PTN: variants seen among roughly 807,000 people sequenced by gnomAD.
PTN encodes the protein heparin affin regulatory protein.
In PTN, 18 loss-of-function variants were observed where a neutral mutation model predicts 24.1. The observed-to-expected ratio is 0.75, with a 90% CI of 0.52 to 1.11. The LOEUF is 1.11. PTN is among the 50% of genes least tolerant of loss of function. PTN has a pLI of 0.00. For missense variants in PTN, 163 were observed against 198.8 expected (o/e 0.82, Z 1.08); for synonymous variants, 78 against 68.6 (o/e 1.14, Z -0.67).
chr7:137,261,494 C>T (rs1425576053), intron 1 of PTN, among the ~76,000 whole-genome samples: 1 of 152,044 alleles, frequency 6.6e-6, no homozygotes, highest in Non-Finnish European at 1.5e-5. Context: ...TTTATAGTTG[C>T]TTGACATCTA....
At chr7:137,274,033 GCA>G (rs10555048) in intron 1 of PTN, among the ~76,000 whole-genome samples, 110,588 of 149,932 alleles carry the variant, frequency 0.74, 40,927 homozygotes, top group East Asian at 0.96. Flanking sequence ...TTTCAGAAGC[GCA>G]CACACACACA....
chr7:137,295,257 C>T (rs994926958), intron 1 of PTN, among the ~76,000 whole-genome samples: 1 of 152,154 alleles, frequency 6.6e-6, no homozygotes. Flanking sequence ...CTCTGTGGAG[C>T]TTGAAGTATA....
chr7:137,318,867 A>C (rs1810115871), intron 1 of PTN: 1 of 152,228 alleles, frequency 6.6e-6, no homozygotes, highest in Non-Finnish European at 1.5e-5. Context: ...GGTATGTAAA[A>C]GCGGTAAGCA....
At chr7:137,335,991 TC>T (rs1810442499) in intron 1 of PTN, among the ~76,000 whole-genome samples, 1 of 151,014 alleles carries the variant, frequency 6.6e-6, no homozygotes, top group Non-Finnish European at 1.5e-5. Flanking sequence ...ACATCTTACC[TC>T]CTCCTCACTT....
chr7:137,230,483 A>G (rs544114645), intron 4 of PTN, among the ~76,000 whole-genome samples: 18 of 151,956 alleles, frequency 1.2e-4, no homozygotes, highest in African/African-American at 4.1e-4. Context: ...ATCTAAAGAG[A>G]AAAATAAAGA....
At chr7:137,264,865 G>A (rs1408179944) in intron 1 of PTN, among the ~76,000 whole-genome samples, 1 of 152,146 alleles carries the variant, frequency 6.6e-6, no homozygotes, top group East Asian at 1.9e-4. Context: ...TGCTGCCAGG[G>A]ACCTTAGACA....
At chr7:137,278,212 C>T (rs1809398984) in intron 1 of PTN, among the ~76,000 whole-genome samples, 1 of 142,698 alleles carries the variant, frequency 7.0e-6, no homozygotes, top group Non-Finnish European at 1.5e-5. Context: ...GAGGCTGAGG[C>T]AGGAGAATGG....
At position 137,271,836 on chromosome 7, in the gene PTN, C is replaced by T. The variant is rs577137652; in HGVS notation, c.-1-16862G>A. On this transcript the variant is annotated intron_variant, in intron 1 of 4. Transcript: ENST00000348225. Reference sequence around the variant, plus strand: ...ATGTGAAGCAATACATTTACTTTCTCTGAAACTTATTTTTCTTAGCAATCG... The same window carrying T: ...ATGTGAAGCAATACATTTACTTTCTTTGAAACTTATTTTTCTTAGCAATCG... Among the ~76,000 whole-genome samples the T allele has an allele frequency of 2.3e-4, 35 of 152,328 alleles. 1 individual carries two copies. In the South Asian group the frequency reaches 5.4e-3, roughly 23 times the overall value.
intron 1 of PTN, among the ~76,000 whole-genome samples, chr7:137,284,929 T>A (rs1403800278): frequency 1.3e-5 from 2 of 152,164 alleles, no homozygotes; most frequent in Non-Finnish European, 2.9e-5. Context: ...AATTAACATC[T>A]GAGAATAACT....
At chr7:137,336,032 A>C (rs550978535) in intron 1 of PTN, among the ~76,000 whole-genome samples, 1 of 151,376 alleles carries the variant, frequency 6.6e-6, no homozygotes, top group African/African-American at 2.4e-5. Context: ...CAAGCAACTT[A>C]GGCAATCTCT....
chr7:137,292,980 A>C (rs532167246), intron 1 of PTN, among the ~76,000 whole-genome samples: 1 of 152,288 alleles, frequency 6.6e-6, no homozygotes, highest in Non-Finnish European at 1.5e-5. Context: ...TTTAGTCCTA[A>C]CACTCTATCA....
At chr7:137,228,687 A>T (rs1808377114) in intron 4 of PTN, among the ~76,000 whole-genome samples, 1 of 151,854 alleles carries the variant, frequency 6.6e-6, no homozygotes, top group Non-Finnish European at 1.5e-5. Context: ...TTTGGGGTAA[A>T]ACAAATGGAA....
At chr7:137,289,372 G>A (rs997125299) in intron 1 of PTN, among the ~76,000 whole-genome samples, 2 of 152,100 alleles carry the variant, frequency 1.3e-5, no homozygotes, top group Non-Finnish European at 2.9e-5. Context: ...TTTCAGGTGT[G>A]TGTTAGGCAG....
In PTN at chr7:137,242,506, T is replaced by C. The variant is rs7793545; in HGVS notation, c.451+8724A>G. 1.3e-3 allele frequency among the ~76,000 whole-genome samples: 201 copies of C among 152,296 alleles called. 2 individuals are homozygous for C. Among genetic ancestry groups the C allele is most frequent in the African/African-American group, 4.6e-3 (193 of 41,560 alleles). ...GCCAGTCCCAAAAACAATCTGAGAA[T>C]TCCCCTTTTCCAGATAAACTTGGTA... On this transcript the variant is annotated intron_variant, in intron 4 of 4. Coordinates refer to ENST00000348225, the MANE Select transcript of PTN (RefSeq NM_002825.7).
chr7:137,291,929 C>A (rs1439510582), intron 1 of PTN, among the ~76,000 whole-genome samples: 1 of 152,132 alleles, frequency 6.6e-6, no homozygotes, highest in East Asian at 1.9e-4. Flanking sequence ...GGGTTTCAAC[C>A]ACTCACCTTT....
At chr7:137,241,546 T>C (rs1222603779) in intron 4 of PTN, among the ~76,000 whole-genome samples, 2 of 152,158 alleles carry the variant, frequency 1.3e-5, no homozygotes, top group African/African-American at 4.8e-5. Flanking sequence ...ATACTGCATA[T>C]TTACCAAGCA....
chr7:137,266,486 C>T (rs751351937), intron 1 of PTN, among the ~76,000 whole-genome samples: 3 of 150,332 alleles, frequency 2.0e-5, no homozygotes, highest in Non-Finnish European at 2.9e-5. Flanking sequence ...TTTTCTTCCA[C>T]GACTTTCGCA....
chr7:137,302,891 T>C (rs1033829963), intron 1 of PTN, among the ~76,000 whole-genome samples: 1 of 152,046 alleles, frequency 6.6e-6, no homozygotes, highest in Non-Finnish European at 1.5e-5. Flanking sequence ...ATTCTCAATG[T>C]AAACTGTATG....
At chr7:137,290,034 G>A (rs1809615396) in intron 1 of PTN, among the ~76,000 whole-genome samples, 1 of 152,212 alleles carries the variant, frequency 6.6e-6, no homozygotes, top group Admixed American at 6.5e-5. Flanking sequence ...TGGACTTACA[G>A]TTCCACATGG....
Sources: allele counts gnomAD v4.1 joint callset (sites outside exome capture counted in the v4.1 genomes callset), GRCh38; gene constraint gnomAD v4.1.1; transcripts MANE v1.5; gene names NCBI Gene and HGNC (gene_info 2026-07-23, HGNC 2026-07-21).